Variants in HMMR observed in about 807,000 individuals in gnomAD.
The protein encoded by HMMR is hyaluronan mediated motility receptor.
Under a neutral mutation model 101.0 loss-of-function variants are expected in HMMR, and 108 were observed. The observed-to-expected ratio is 1.07, with a 90% CI of 0.92 to 1.25. The LOEUF is 1.25. Among genes scored for constraint, HMMR ranks in the 50% most tolerant of loss-of-function variants. HMMR has a pLI of 0.00. For missense variants in HMMR, 813 were observed against 788.7 expected (o/e 1.03, Z -0.37); for synonymous variants, 296 against 276.4 (o/e 1.07, Z -0.70).
chr5:163,467,682 T>G lies in HMMR; in HGVS notation c.226-19T>G, dbSNP rs762058216. On this transcript the variant is annotated intron_variant, in intron 3 of 17. Coordinates refer to ENST00000393915, the MANE Select transcript of HMMR (RefSeq NM_001142556.2). ...GTGACATCTAAATTTGCTTATAAGT[T>G]TTTTTGGCTTTTAAACAGAAGGAAT... The G allele has an allele frequency of 6.9e-7, 1 of 1,451,644 alleles. No homozygotes were observed. The highest frequency in any genetic ancestry group is 9.6e-7 in the Non-Finnish European group (1 of 1,039,716). The allele number at this position is 1,451,644 out of a possible 1,614,324, so 89.9% of individuals were successfully genotyped here.
intron 12 of HMMR, among the ~76,000 whole-genome samples, chr5:163,482,055 A>G (rs997898631): frequency 1.3e-5 from 2 of 152,142 alleles, no homozygotes; most frequent in Non-Finnish European, 1.5e-5. Context: ...AGCTGAGATT[A>G]CAGGTGTCCA....
At chr5:163,482,891 A>T in intron 13 of HMMR, 103 bp downstream of exon 13, 2 of 1,323,484 alleles carry the variant, frequency 1.5e-6, no homozygotes. Flanking sequence ...TTATACTGCA[A>T]ATTAAGAATT....
At chr5:163,479,821 A>G (rs1016714203) in intron 12 of HMMR, among the ~76,000 whole-genome samples, 12 of 151,958 alleles carry the variant, frequency 7.9e-5, no homozygotes, top group Non-Finnish European at 1.5e-4. Flanking sequence ...TCTTCTCTTG[A>G]CAGAGAAGAT....
At chr5:163,479,317 C>G (rs1759177980) in intron 12 of HMMR, among the ~76,000 whole-genome samples, 1 of 152,104 alleles carries the variant, frequency 6.6e-6, no homozygotes, top group Non-Finnish European at 1.5e-5. Flanking sequence ...TAATTTGAAA[C>G]CTTTTTACTG....
rs1759081815 is a variant in HMMR at position 163,476,780 on chromosome 5, A to C, written c.1268+1108A>C. Among the ~76,000 whole-genome samples the C allele has an allele frequency of 5.9e-5, 9 of 152,332 alleles. No homozygotes were observed. The South Asian group carries it at 1.9e-3, about 32-fold the overall frequency. ...TGCGGTGGCTCACACCTGTAATCCC[A>C]CCACTTTGGGAAGCCAAGGCAGCGA... On this transcript the variant is annotated intron_variant, in intron 11 of 17. Transcript: ENST00000393915.
intron 1 of HMMR, among the ~76,000 whole-genome samples, chr5:163,463,114 CTTTAG>C (rs1055335409): frequency 2.6e-5 from 4 of 152,170 alleles, no homozygotes; most frequent in South Asian, 2.1e-4. Context: ...AAATCTGGGA[CTTTAG>C]TTAAGTGAAA....
Position 163,491,228 on chromosome 5 carries a change from A to T in HMMR, c.*64A>T. On this transcript the variant is annotated 3_prime_UTR_variant, in exon 18 of 18. Coordinates refer to ENST00000393915, the MANE Select transcript of HMMR (RefSeq NM_001142556.2). ...TGTTGTTATTGATGTTGCTGTTATT[A>T]TATTTGACATGGGTATTTTATAATG... The T allele has an allele frequency of 2.3e-6, 2 of 851,708 alleles. No homozygotes were observed. The highest frequency in any genetic ancestry group is 3.7e-6 in the Non-Finnish European group (2 of 536,520). The allele number at this position is 851,708 out of a possible 1,614,324, so 52.8% of individuals were successfully genotyped here.
chr5:163,469,541 CAG>C, intron 4 of HMMR, 98 bp from the exon 5 acceptor site: 1 of 910,938 alleles, frequency 1.1e-6, no homozygotes, highest in Non-Finnish European at 1.7e-6. Flanking sequence ...ATGTCAAAAT[CAG>C]AGATTTTTCC....
intron 12 of HMMR, among the ~76,000 whole-genome samples, chr5:163,481,162 T>G (rs997704871): frequency 6.6e-6 from 1 of 152,078 alleles, no homozygotes; most frequent in Non-Finnish European, 1.5e-5. Context: ...TTTAATTCAT[T>G]AAATTGTACC....
chr5:163,478,364 T>C (rs1190982343), intron 11 of HMMR, among the ~76,000 whole-genome samples: 2 of 152,218 alleles, frequency 1.3e-5, no homozygotes, highest in Admixed American at 6.5e-5. Flanking sequence ...CAGATGTTTT[T>C]TGACTGGTAA....
At chr5:163,468,117 A>G (rs1291509411) in intron 4 of HMMR, among the ~76,000 whole-genome samples, 1 of 152,232 alleles carries the variant, frequency 6.6e-6, no homozygotes, top group Non-Finnish European at 1.5e-5. Flanking sequence ...TTTCTTAGTG[A>G]GCATGCAATC....
intron 11 of HMMR, among the ~76,000 whole-genome samples, 191 bp downstream of exon 11, chr5:163,475,863 C>G (rs1457998850): frequency 6.6e-6 from 1 of 152,096 alleles, no homozygotes; most frequent in Non-Finnish European, 1.5e-5. Context: ...TACATGCAAA[C>G]AAGTAAGACA....
intron 11 of HMMR, among the ~76,000 whole-genome samples, chr5:163,476,520 A>G (rs1759074550): frequency 1.3e-5 from 2 of 152,224 alleles, no homozygotes; most frequent in Non-Finnish European, 2.9e-5. Context: ...CTAAAGTCCC[A>G]GCTACTCAGG....
intron 12 of HMMR, among the ~76,000 whole-genome samples, chr5:163,480,766 C>T (rs1390998799): frequency 6.6e-6 from 1 of 152,088 alleles, no homozygotes; most frequent in Non-Finnish European, 1.5e-5. Context: ...CCATAAAATG[C>T]TTGTTTATGA....
chr5:163,466,039 G>A (rs1436112454), intron 3 of HMMR, among the ~76,000 whole-genome samples: 1 of 151,498 alleles, frequency 6.6e-6, no homozygotes, highest in African/African-American at 2.4e-5. Context: ...TGAAGCAGGT[G>A]GATTGCTTGA....
rs753667025 is a variant in HMMR at position 163,478,816 on chromosome 5, G to T, written c.1385+16G>T. The T allele has an allele frequency of 1.0e-5, 14 of 1,349,948 alleles. No homozygotes were observed. The highest frequency in any genetic ancestry group is 1.7e-5 in the Admixed American group (1 of 59,664). The allele number at this position is 1,349,948 out of a possible 1,614,324, so 83.6% of individuals were successfully genotyped here. Reference sequence around the variant, plus strand: ...AATTTGAAAGGTATTTTTCTTGGGAGCCTGCACTCTTAAATATGATGTGTG... The same window carrying T: ...AATTTGAAAGGTATTTTTCTTGGGATCCTGCACTCTTAAATATGATGTGTG... On this transcript the variant is annotated intron_variant, in intron 12 of 17. Transcript: ENST00000393915.
chr5:163,460,883 C>A, intron 1 of HMMR, 145 bp downstream of exon 1: 1 of 722,730 alleles, frequency 1.4e-6, no homozygotes, highest in South Asian at 1.6e-5. Flanking sequence ...CAAATATGCT[C>A]TAAGCATCTG....
intron 5 of HMMR, among the ~76,000 whole-genome samples, chr5:163,470,345 G>C (rs542363952): frequency 5.5e-4 from 84 of 152,302 alleles, no homozygotes; most frequent in Non-Finnish European, 1.1e-3. Context: ...CAACAGGCCA[G>C]CCACAGTGGC....
Position 163,482,656 on chromosome 5 carries a change from C to A in HMMR, c.1400C>A (p.Thr467Lys). 1 of 1,611,078 alleles carries A rather than the reference C, an allele frequency of 6.2e-7. No individual in the cohort carries two copies. The highest frequency in any genetic ancestry group is 1.7e-5 in the Admixed American group (1 of 59,940). Residue 467 changes from threonine (T) to lysine (K), a missense_variant, in exon 13 of 18, where the codon ACA becomes AAA. Coordinates refer to ENST00000393915, the MANE Select transcript of HMMR (RefSeq NM_001142556.2). ...TAQFESYKAL[T>K]ASEIEDLKLE... ...TTTTTAATAAGCTATAAAGCGTTAACAGCCAGTGAGATAGAAGATCTTAAG... is the reference window on the plus strand; with the variant it reads ...TTTTTAATAAGCTATAAAGCGTTAAAAGCCAGTGAGATAGAAGATCTTAAG...
Sources: gnomAD v4.1 joint callset for allele counts (sites outside exome capture counted in the v4.1 genomes callset) on GRCh38, gnomAD v4.1.1 for gene constraint, MANE v1.5 for transcripts, NCBI Gene and HGNC (gene_info 2026-07-23, HGNC 2026-07-21) for gene names.